FAM53A: variants seen among roughly 807,000 people sequenced by gnomAD.
FAM53A encodes protein FAM53A.
In FAM53A, 28 loss-of-function variants were observed where a neutral mutation model predicts 26.6. The observed-to-expected ratio is 1.05, with a 90% CI of 0.78 to 1.45. FAM53A has a LOEUF of 1.45. Among genes scored for constraint, FAM53A ranks in the 40% most tolerant of loss-of-function variants. The pLI is 0.00. For synonymous variants in FAM53A, 290 were observed against 253.1 expected, an observed-to-expected ratio of 1.15 and a Z score of -1.38; for missense variants, 650 against 575.8, an observed-to-expected ratio of 1.13 and a Z score of -1.32.
chr4:1,680,025 A>G (rs1231838020), intron 1 of FAM53A, among the ~76,000 whole-genome samples: 3 of 2,038 alleles, frequency 1.5e-3, no homozygotes, highest in African/African-American at 1.5e-3. Context: ...TCCGTCTCAG[A>G]AAAAAAAAAA....
chr4:1,632,239 C>T (rs761512334), intron 1 of FAM53A, among the ~76,000 whole-genome samples: 10 of 151,426 alleles, frequency 6.6e-5, no homozygotes, highest in East Asian at 1.9e-4. Flanking sequence ...TAAGGTCACA[C>T]GAGTCGGTCC....
At chr4:1,642,289 T>C (rs1711782889) in intron 4 of FAM53A, among the ~76,000 whole-genome samples, 1 of 152,170 alleles carries the variant, frequency 6.6e-6, no homozygotes, top group Non-Finnish European at 1.5e-5. Context: ...GGGTCTCCCC[T>C]GGGCAAGGCC....
intron 1 of FAM53A, among the ~76,000 whole-genome samples, chr4:1,620,917 C>G (rs1448708464): frequency 1.3e-5 from 2 of 152,082 alleles, no homozygotes; most frequent in Non-Finnish European, 2.9e-5. Context: ...CCAGGGTCAC[C>G]ACATACGTAG....
chr4:1,642,050 C>CAGCA (rs913658381), intron 4 of FAM53A, among the ~76,000 whole-genome samples: 1 of 152,152 alleles, frequency 6.6e-6, no homozygotes, highest in Non-Finnish European at 1.5e-5. Flanking sequence ...GGGCCGCTCT[C>CAGCA]AGCAAGCACC....
intron 2 of FAM53A, among the ~76,000 whole-genome samples, chr4:1,662,989 T>C (rs548240496): frequency 1.3e-5 from 2 of 151,758 alleles, no homozygotes; most frequent in South Asian, 2.1e-4. Context: ...GGTCAGGAGA[T>C]TGAGACCATC....
At chr4:1,639,245 C>A (rs950279336), downstream of FAM53A, among the ~76,000 whole-genome samples, 1 of 152,210 alleles carries the variant, frequency 6.6e-6, no homozygotes, top group Non-Finnish European at 1.5e-5. Flanking sequence ...GGACCCTGCC[C>A]TGTACTAAGT....
intron 1 of FAM53A, among the ~76,000 whole-genome samples, chr4:1,626,639 C>T (rs186158287): frequency 1.6e-3 from 239 of 152,134 alleles, no homozygotes; most frequent in African/African-American, 5.5e-3. Flanking sequence ...ACAGTGTAAA[C>T]TCTCAGCCAC....
rs1224817688 is a variant in FAM53A, at chr4:1,655,190, G to C, written c.670C>G (p.Leu224Val). 1.3e-6 allele frequency: 2 copies of C among 1,564,248 alleles called. No individual in the cohort carries two copies. Among genetic ancestry groups the C allele is most frequent in the African/African-American group, 2.7e-5 (2 of 72,980 alleles). Residue 224 changes from leucine to valine, a missense_variant, in exon 4 of 5, where the codon CTC becomes GTC. By Grantham distance (32) the Leu-to-Val change is conservative. Transcript: ENST00000308132. ...GCACCCGCGAGTCGCTCCTGTGAGA[G>C]GGACGGGCGGCGCCTCGTGGAGGGC... ...CLPSTRRRPSLSQERLAGAGT... is the reference protein window; with the variant it reads ...CLPSTRRRPSVSQERLAGAGT...
At chr4:1,652,336 C>T (rs1454257324) in intron 4 of FAM53A, among the ~76,000 whole-genome samples, 1 of 143,294 alleles carries the variant, frequency 7.0e-6, no homozygotes, top group Non-Finnish European at 1.5e-5. Flanking sequence ...CATACACACA[C>T]GCTATACACA....
At chr4:1,607,583 C>T in the FAM53A span, among the ~76,000 whole-genome samples, 1 of 151,414 alleles carries the variant, frequency 6.6e-6, no homozygotes, top group African/African-American at 2.4e-5. Flanking sequence ...AGGCCGCCCC[C>T]CCACCACTGA....
chr4:1,606,680 T>C, the FAM53A span, among the ~76,000 whole-genome samples: 1 of 152,234 alleles, frequency 6.6e-6, no homozygotes, highest in African/African-American at 2.4e-5. Context: ...CTGAAGCACA[T>C]TGAAGAACCC....
At chr4:1,654,283 C>T (rs73188108) in intron 4 of FAM53A, among the ~76,000 whole-genome samples, 31,728 of 152,260 alleles carry the variant, frequency 0.21, 3,730 homozygotes, top group Admixed American at 0.3. Flanking sequence ...CTGCCGGGCC[C>T]CCAGAGGTCT....
intron 1 of FAM53A, among the ~76,000 whole-genome samples, chr4:1,632,461 T>C (rs1715650625): frequency 6.6e-6 from 1 of 152,162 alleles, no homozygotes; most frequent in Non-Finnish European, 1.5e-5. Context: ...TTAAGCCCAC[T>C]GTGCAGTATT....
the FAM53A span, among the ~76,000 whole-genome samples, chr4:1,576,930 G>A: frequency 2.0e-5 from 3 of 152,210 alleles, no homozygotes; most frequent in Non-Finnish European, 4.4e-5. Flanking sequence ...GTGAGTCAGA[G>A]CTTAGTTGGT....
intron 2 of FAM53A, among the ~76,000 whole-genome samples, chr4:1,663,664 A>T (rs1400346444): frequency 6.6e-6 from 1 of 152,092 alleles, no homozygotes; most frequent in East Asian, 1.9e-4. Flanking sequence ...AAACAGCATT[A>T]TGTGGGTTCC....
chr4:1,679,875 C>T (rs143813258), intron 1 of FAM53A, among the ~76,000 whole-genome samples: 2,357 of 151,750 alleles, frequency 0.016, 37 homozygotes, highest in Non-Finnish European at 0.026. Context: ...ACATCGAAAC[C>T]CCATCTCTAC....
In FAM53A at chr4:1,655,546, G is replaced by T. The variant is rs750558428; in HGVS notation, c.314C>A (p.Pro105His). The T allele has an allele frequency of 1.3e-6, 2 of 1,565,272 alleles. No individual in the cohort carries two copies. Among genetic ancestry groups the T allele is most frequent in the Non-Finnish European group, 8.7e-7 (1 of 1,155,426 alleles). Residue 105 changes from proline to histidine, a missense_variant, in exon 4 of 5, where the codon CCC becomes CAC. Coordinates refer to ENST00000308132, the MANE Select transcript of FAM53A (RefSeq NM_001174070.3). ...CGTGGACGAGCCTGTGCTTTCACTG[G>T]GGTCCACGGTGCTGGCTGCACCCAG... Reference protein sequence around the residue: ...AGLGAASTVDPSESTGSSTAP... With the variant: ...AGLGAASTVDHSESTGSSTAP...
the FAM53A span, among the ~76,000 whole-genome samples, chr4:1,610,950 C>CT: frequency 6.6e-6 from 1 of 152,234 alleles, no homozygotes; most frequent in African/African-American, 2.4e-5. Flanking sequence ...TGCCCACACT[C>CT]TGAGCACCCA....
At chr4:1,620,897 G>A (rs896174359) in intron 1 of FAM53A, among the ~76,000 whole-genome samples, 2 of 152,060 alleles carry the variant, frequency 1.3e-5, no homozygotes, top group African/African-American at 4.8e-5. Flanking sequence ...GCCAGGCTGG[G>A]ATCGGGTCCC....
Sources: allele counts gnomAD v4.1 joint callset (sites outside exome capture counted in the v4.1 genomes callset), GRCh38; gene constraint gnomAD v4.1.1; transcripts MANE v1.5; gene names NCBI Gene and HGNC (gene_info 2026-07-23, HGNC 2026-07-21).